The following LPP variants were observed in gnomAD, a reference collection of about 807,000 sequenced individuals.
The protein encoded by LPP is LIM domain containing preferred translocation partner in lipoma, also known as lipoma-preferred partner.
Under a neutral mutation model 60.4 loss-of-function variants are expected in LPP, and 38 were observed. The observed-to-expected ratio is 0.63, with a 90% CI of 0.49 to 0.83. The LOEUF is 0.83. Ranked by LOEUF, LPP falls within the 40% of genes least tolerant of loss-of-function variation. The pLI, the probability that LPP is intolerant of heterozygous loss-of-function variation, is 0.00. For missense variants in LPP, 902 were observed against 783.6 expected, an observed-to-expected ratio of 1.15 and a Z score of -1.80; for synonymous variants, 328 against 290.8, an observed-to-expected ratio of 1.13 and a Z score of -1.30.
At chr3:188,316,137 G>A (rs900053481) in intron 2 of LPP, among the ~76,000 whole-genome samples, 2 of 152,154 alleles carry the variant, frequency 1.3e-5, no homozygotes, top group African/African-American at 4.8e-5. Context: ...AACCAGCCAG[G>A]CATGGTGGCA....
chr3:188,609,773 G>C lies in LPP; in HGVS notation c.1042G>C (p.Val348Leu). The C allele has an allele frequency of 6.2e-7, 1 of 1,614,058 alleles. No homozygotes were observed. The highest frequency in any genetic ancestry group is 8.5e-7 in the Non-Finnish European group (1 of 1,180,006). The change falls in exon 7 of 12, where the codon GTC (valine) becomes CTC (leucine). Residue 348 changes from valine (V) to leucine (L), a missense_variant. Physicochemically the swap from Val to Leu is conservative, Grantham distance 32 (BLOSUM62 1). Coordinates refer to ENST00000617246, the MANE Select transcript of LPP (RefSeq NM_001375462.1). The surrounding 1 kb of genome is among the most constrained non-coding windows in gnomAD (Gnocchi z 6.9). Reference sequence around the variant, plus strand: ...CCAGAACCCTCCTGGGATGTATCCAGTCACTGGTCCCAAGAAGACCTATAT... The same window carrying C: ...CCAGAACCCTCCTGGGATGTATCCACTCACTGGTCCCAAGAAGACCTATAT... ...GNQNPPGMYP[V>L]TGPKKTYITD...
intron 2 of LPP, among the ~76,000 whole-genome samples, chr3:188,314,597 C>CTGTGTGTG (rs34621159): frequency 1.3e-5 from 2 of 149,692 alleles, no homozygotes; most frequent in African/African-American, 4.9e-5. Context: ...TTTGAAAATT[C>CTGTGTGTG]TGTGTGTGTG....
chr3:188,207,793 A>G (rs1270834771), intron 1 of LPP, among the ~76,000 whole-genome samples: 1 of 151,772 alleles, frequency 6.6e-6, no homozygotes, highest in Non-Finnish European at 1.5e-5. Context: ...TTGTTCCTTC[A>G]TCTGTGCCCC....
intron 8 of LPP, among the ~76,000 whole-genome samples, chr3:188,728,027 C>T (rs1395452543): frequency 1.3e-5 from 2 of 152,088 alleles, no homozygotes; most frequent in Non-Finnish European, 2.9e-5. Context: ...CTGGAGGAAA[C>T]CTGAGGAGTT....
chr3:188,469,314 G>A (rs1801212480), intron 4 of LPP, among the ~76,000 whole-genome samples: 1 of 136,776 alleles, frequency 7.3e-6, no homozygotes, highest in Non-Finnish European at 1.6e-5. Context: ...ACGGAATTGG[G>A]ATATGTTTGT....
chr3:188,255,814 C>T (rs1011649077), intron 2 of LPP, among the ~76,000 whole-genome samples: 1 of 152,106 alleles, frequency 6.6e-6, no homozygotes, highest in Admixed American at 6.5e-5. Flanking sequence ...TCTTTGAGTT[C>T]GACCTCTGCT....
At chr3:188,434,901 G>A (rs955076858) in intron 4 of LPP, among the ~76,000 whole-genome samples, 1 of 152,140 alleles carries the variant, frequency 6.6e-6, no homozygotes, top group Non-Finnish European at 1.5e-5. Context: ...TTTAGTTCTT[G>A]AAAAGGAATG....
intron 9 of LPP, among the ~76,000 whole-genome samples, chr3:188,781,164 T>C (rs1176489907): frequency 6.6e-6 from 1 of 152,238 alleles, no homozygotes; most frequent in Non-Finnish European, 1.5e-5. Flanking sequence ...TTTGTGAATG[T>C]CAAATAAAAT....
intron 3 of LPP, among the ~76,000 whole-genome samples, chr3:188,399,177 C>T (rs934432507): frequency 6.6e-6 from 1 of 152,128 alleles, no homozygotes; most frequent in African/African-American, 2.4e-5. Flanking sequence ...CATGGCGGAG[C>T]CAAGACTAGA....
chr3:188,581,466 A>T (rs1836088640), intron 6 of LPP, among the ~76,000 whole-genome samples: 1 of 152,152 alleles, frequency 6.6e-6, no homozygotes, highest in Admixed American at 6.5e-5. Flanking sequence ...AGTACTGTTT[A>T]TATTCTGCTT....
At chr3:188,524,637 G>C in intron 5 of LPP, 28 bp from the exon 6 acceptor site, 4 of 1,591,888 alleles carry the variant, frequency 2.5e-6, no homozygotes, top group Non-Finnish European at 3.4e-6. Flanking sequence ...AATTTCCTTT[G>C]TTAACATGTC....
At chr3:188,691,509 G>A (rs999040612) in intron 7 of LPP, among the ~76,000 whole-genome samples, 1 of 152,200 alleles carries the variant, frequency 6.6e-6, no homozygotes, top group African/African-American at 2.4e-5. Context: ...CGATGTACAT[G>A]ATGATGGTTT....
intron 2 of LPP, among the ~76,000 whole-genome samples, chr3:188,318,674 G>A (rs1036500367): frequency 6.6e-6 from 1 of 151,080 alleles, no homozygotes; most frequent in Admixed American, 6.6e-5. Flanking sequence ...TTTCGACTTT[G>A]GTTGGCTTGG....
intron 5 of LPP, among the ~76,000 whole-genome samples, chr3:188,510,006 T>G (rs550069434): frequency 6.6e-6 from 1 of 151,264 alleles, no homozygotes; most frequent in Admixed American, 6.6e-5. Flanking sequence ...CGTGAGCCAC[T>G]GCACCGGGCC....
At chr3:188,324,034 T>G (rs914212512) in intron 2 of LPP, among the ~76,000 whole-genome samples, 5 of 152,162 alleles carry the variant, frequency 3.3e-5, no homozygotes, top group Non-Finnish European at 7.4e-5. Context: ...TGATTGGTAT[T>G]GTTGTTGTTG....
rs532199793 is a variant in LPP, at chr3:188,253,308, C to T, written c.-67+27781C>T. ...TCTTTTATTGCTTCTGGACTTTGTT[C>T]GTAGTTAGAGAGCATTTCTTAACAC... On this transcript the variant is annotated intron_variant, in intron 2 of 11. Coordinates refer to ENST00000617246, the MANE Select transcript of LPP (RefSeq NM_001375462.1). Among the ~76,000 whole-genome samples the T allele has an allele frequency of 5.9e-5, 9 of 152,090 alleles. No individual in the cohort carries two copies. In the East Asian group the frequency reaches 9.7e-4, roughly 16 times the overall value.
chr3:188,834,972 G>A (rs1045513215), intron 9 of LPP, among the ~76,000 whole-genome samples: 37 of 152,076 alleles, frequency 2.4e-4, no homozygotes, highest in Admixed American at 1.8e-3. Flanking sequence ...AGAGAGGAAC[G>A]ACCTCTGAAT....
intron 3 of LPP, among the ~76,000 whole-genome samples, chr3:188,402,950 C>T (rs145386317): frequency 2.2e-3 from 341 of 152,254 alleles, no homozygotes; most frequent in Admixed American, 4.4e-3. Context: ...GAGAGGGAAA[C>T]GGCATTGTTG....
intron 2 of LPP, chr3:188,240,206 T>G (rs548909098): frequency 1.1e-5 from 2 of 179,392 alleles, no homozygotes; most frequent in Middle Eastern, 2.1e-3. Context: ...TCATTTTCCT[T>G]TCATAAACTA....
Sources: gnomAD v4.1 joint callset for allele counts (sites outside exome capture counted in the v4.1 genomes callset) on GRCh38, gnomAD v4.1.1 for gene constraint, Gnocchi (gnomAD v3.1) non-coding constraint, MANE v1.5 for transcripts, NCBI Gene and HGNC (gene_info 2026-07-23, HGNC 2026-07-21) for gene names.